PRKD3: variants seen among roughly 807,000 people sequenced by gnomAD.
PRKD3 encodes the protein protein kinase D3, also known as serine/threonine-protein kinase D3.
PRKD3 carries 47 observed loss-of-function variants against 99.2 expected under a neutral mutation model. That is an observed-to-expected ratio of 0.47 (90% CI 0.38 to 0.60). The LOEUF is 0.60. PRKD3 is among the 20% of genes least tolerant of loss of function. PRKD3 has a pLI of 0.00. For synonymous variants in PRKD3, 392 were observed against 355.4 expected, an observed-to-expected ratio of 1.10 and a Z score of -1.16; for missense variants, 1,019 against 1,088.4, an observed-to-expected ratio of 0.94 and a Z score of 0.90.
Position 37,252,230 on chromosome 2 carries a change from C to G in PRKD3, c.*947G>C, listed in dbSNP as rs191636637. On this transcript the variant is annotated 3_prime_UTR_variant, in exon 19 of 19. Transcript: ENST00000234179. Reference sequence around the variant, plus strand: ...TGCTATACAGTAACTGTAGCATTAACTGACCCTGCACTGGCCCTGCTAAAA... The same window carrying G: ...TGCTATACAGTAACTGTAGCATTAAGTGACCCTGCACTGGCCCTGCTAAAA... 6 of 152,296 alleles carry G rather than the reference C, an allele frequency of 3.9e-5. No individual in the cohort carries two copies. Among genetic ancestry groups the G allele is most frequent in the African/African-American group, 1.4e-4 (6 of 41,570 alleles). 9.4% of individuals were successfully genotyped at this position (152,296 alleles called of 1,614,324 possible).
chr2:37,295,413 AGCATC>A (rs1399074252), intron 2 of PRKD3, among the ~76,000 whole-genome samples: 1 of 152,210 alleles, frequency 6.6e-6, no homozygotes. Flanking sequence ...TGAAAGTGTA[AGCATC>A]ATCAATGAGA....
At chr2:37,280,720 C>T (rs1367468490) in intron 7 of PRKD3, among the ~76,000 whole-genome samples, 1 of 152,044 alleles carries the variant, frequency 6.6e-6, no homozygotes, top group Non-Finnish European at 1.5e-5. Flanking sequence ...TTTCTTAATA[C>T]ACCAAAAAGA....
At chr2:37,308,971 AT>A (rs1373040833) in intron 2 of PRKD3, among the ~76,000 whole-genome samples, 2 of 151,930 alleles carry the variant, frequency 1.3e-5, no homozygotes, top group African/African-American at 4.8e-5. Context: ...TATTTTTCAG[AT>A]TTTTAAATTA....
intron 3 of PRKD3, chr2:37,292,841 C>T (rs573739478): frequency 1.5e-4 from 30 of 194,036 alleles, no homozygotes; most frequent in Non-Finnish European, 2.3e-4. Context: ...TTAGTAGAGA[C>T]GAGGTATGCT....
At chr2:37,317,319 T>C (rs559739310) in intron 1 of PRKD3, 140 bp from the exon 2 acceptor site, 1 of 240,688 alleles carries the variant, frequency 4.2e-6, no homozygotes, top group African/African-American at 2.3e-5. Context: ...GGTAGCAATT[T>C]TTGGCTAGTT....
intron 2 of PRKD3, among the ~76,000 whole-genome samples, chr2:37,302,585 T>C (rs1055392868): frequency 6.6e-6 from 1 of 152,244 alleles, no homozygotes; most frequent in Non-Finnish European, 1.5e-5. Flanking sequence ...TTCATGTCGT[T>C]AAAATGCTGT....
chr2:37,259,868 A>C (rs1668275968), intron 15 of PRKD3, among the ~76,000 whole-genome samples, 187 bp from the exon 16 acceptor site: 1 of 152,182 alleles, frequency 6.6e-6, no homozygotes, highest in Non-Finnish European at 1.5e-5. Context: ...CTGCTATTTA[A>C]TTATTTTAGT....
chr2:37,302,802 T>A (rs1670992855), intron 2 of PRKD3, among the ~76,000 whole-genome samples: 1 of 152,064 alleles, frequency 6.6e-6, no homozygotes, highest in Non-Finnish European at 1.5e-5. Context: ...TCATTCTGCC[T>A]CAAGCCTCCC....
chr2:37,268,558 G>GAGA, intron 13 of PRKD3: 1 of 269,558 alleles, frequency 3.7e-6, no homozygotes, highest in East Asian at 1.2e-4. Flanking sequence ...GATATTGTGA[G>GAGA]AGAAGTATGT....
intron 18 of PRKD3, among the ~76,000 whole-genome samples, chr2:37,253,567 C>A (rs181483557): frequency 6.6e-6 from 1 of 151,956 alleles, no homozygotes; most frequent in African/African-American, 2.4e-5. Flanking sequence ...AATGAATGAA[C>A]GTAACTAATT....
At chr2:37,255,044 A>G (rs1446830376) in intron 17 of PRKD3, among the ~76,000 whole-genome samples, 2 of 152,244 alleles carry the variant, frequency 1.3e-5, no homozygotes, top group East Asian at 3.8e-4. Flanking sequence ...AACCAAATGG[A>G]AAGACTTGTA....
At chr2:37,308,496 C>G (rs547255814) in intron 2 of PRKD3, among the ~76,000 whole-genome samples, 1 of 151,986 alleles carries the variant, frequency 6.6e-6, no homozygotes, top group Non-Finnish European at 1.5e-5. Flanking sequence ...GCAATCTCAG[C>G]TCACTGCAAC....
chr2:37,321,151 A>G (rs1671869070), intron 1 of PRKD3, among the ~76,000 whole-genome samples: 1 of 152,222 alleles, frequency 6.6e-6, no homozygotes, highest in South Asian at 2.1e-4. Flanking sequence ...TTTACAAACT[A>G]TATACCAATT....
intron 2 of PRKD3, among the ~76,000 whole-genome samples, chr2:37,312,628 T>C (rs908127331): frequency 3.9e-5 from 6 of 152,198 alleles, no homozygotes; most frequent in Non-Finnish European, 8.8e-5. Context: ...TGAAGCAGTC[T>C]AGTGTTCTCA....
intron 5 of PRKD3, among the ~76,000 whole-genome samples, chr2:37,289,015 C>CT (rs919863724): frequency 3.3e-5 from 5 of 151,086 alleles, no homozygotes; most frequent in Non-Finnish European, 7.4e-5. Flanking sequence ...GACCGTGCCA[C>CT]TGCACTCCAG....
At chr2:37,271,885 A>C (rs1268090045) in intron 12 of PRKD3, among the ~76,000 whole-genome samples, 1 of 152,194 alleles carries the variant, frequency 6.6e-6, no homozygotes, top group African/African-American at 2.4e-5. Flanking sequence ...ACCTGTTATA[A>C]AACCCTCAAC....
chr2:37,316,139 T>G (rs1328891512), intron 2 of PRKD3, 98 bp downstream of exon 2: 1 of 1,246,040 alleles, frequency 8.0e-7, no homozygotes, highest in African/African-American at 1.5e-5. Flanking sequence ...AATAAACTAC[T>G]GATGGATCAG....
intron 14 of PRKD3, among the ~76,000 whole-genome samples, chr2:37,265,871 T>C (rs1467218848): frequency 2.0e-5 from 3 of 152,218 alleles, no homozygotes; most frequent in Non-Finnish European, 2.9e-5. Flanking sequence ...TTAGTTATTA[T>C]GATCCATAGC....
In PRKD3 at chr2:37,316,400, T is replaced by A. The variant is rs757981196; in HGVS notation, c.125A>T (p.Asn42Ile). Residue 42 changes from asparagine (N) to isoleucine (I), a missense_variant, in exon 2 of 19, where the codon AAT becomes ATT. By Grantham distance (149) the Asn-to-Ile change is moderately radical (BLOSUM62 -3). Around this residue, in one of 3 missense-constraint regions of PRKD3, gnomAD observed 710 missense variants for 692.7 expected, o/e 1.02. Coordinates refer to ENST00000234179, the MANE Select transcript of PRKD3 (RefSeq NM_005813.6). ...GAGTGATGGTGCACTGAAGCTTCCA[T>A]TAGAGAGTCGGGCAGAGAGTCCCGT... ...PKTGLSARLS[N>I]GSFSAPSLTN... 1 of 1,614,172 alleles carries A rather than the reference T, an allele frequency of 6.2e-7. No individual in the cohort carries two copies. Among genetic ancestry groups the A allele is most frequent in the Non-Finnish European group, 8.5e-7 (1 of 1,180,038 alleles).
Sources: gnomAD v4.1 joint callset for allele counts (sites outside exome capture counted in the v4.1 genomes callset) on GRCh38, gnomAD v4.1.1 for gene constraint, gnomAD v4.1.1 regional missense constraint, MANE v1.5 for transcripts, NCBI Gene and HGNC (gene_info 2026-07-23, HGNC 2026-07-21) for gene names.